Variants in GBF1 observed in about 807,000 individuals in gnomAD.
GBF1 encodes Golgi-specific brefeldin A-resistance guanine nucleotide exchange factor 1.
In GBF1, 114 loss-of-function variants were observed where a neutral mutation model predicts 210.5. The observed-to-expected ratio is 0.54, with a 90% confidence interval of 0.47 to 0.63. The LOEUF (loss-of-function observed/expected upper bound fraction) is 0.63, where lower values mean the gene tolerates loss of function less well. Ranked by LOEUF, GBF1 falls within the 30% of genes least tolerant of loss-of-function variation. GBF1 has a pLI of 0.00. For synonymous variants in GBF1, 850 were observed against 889.2 expected, an observed-to-expected ratio of 0.96 and a Z score of 0.78; for missense variants, 1,851 against 2,357.7, an observed-to-expected ratio of 0.79 and a Z score of 4.45.
intron 1 of GBF1, among the ~76,000 whole-genome samples, chr10:102,255,910 C>T (rs2072282672): frequency 6.6e-6 from 1 of 152,154 alleles, no homozygotes; most frequent in African/African-American, 2.4e-5. Context: ...GTGTTGGATT[C>T]CCTTGTGGAC....
At chr10:102,369,688 A>G in intron 24 of GBF1, 23 bp from the exon 25 acceptor site, 1 of 1,611,132 alleles carries the variant, frequency 6.2e-7, no homozygotes, top group Non-Finnish European at 8.5e-7. Flanking sequence ...ATGGAAAGAA[A>G]TTATTTTGAC....
intron 3 of GBF1, among the ~76,000 whole-genome samples, chr10:102,332,812 A>G (rs1198273059): frequency 6.6e-6 from 1 of 152,200 alleles, no homozygotes; most frequent in East Asian, 1.9e-4. Context: ...TTGTCTCTTA[A>G]AAATCATAAT....
intron 3 of GBF1, among the ~76,000 whole-genome samples, chr10:102,287,329 C>A (rs372397903): frequency 1.3e-4 from 13 of 98,386 alleles, no homozygotes; most frequent in East Asian, 2.7e-4. Context: ...CACACAGTTT[C>A]TTTTATTTTA....
At chr10:102,347,643 A>G (rs2058667100) in intron 4 of GBF1, among the ~76,000 whole-genome samples, 1 of 152,192 alleles carries the variant, frequency 6.6e-6, no homozygotes, top group Non-Finnish European at 1.5e-5. Context: ...GAAAGCCAAG[A>G]AAGCAAAGGA....
At chr10:102,335,959 T>A (rs1008731617) in intron 3 of GBF1, among the ~76,000 whole-genome samples, 2 of 152,146 alleles carry the variant, frequency 1.3e-5, no homozygotes, top group African/African-American at 4.8e-5. Context: ...TTTTATGGTT[T>A]AGGAGTCAAA....
chr10:102,249,219 C>A (rs2071199829), intron 1 of GBF1, among the ~76,000 whole-genome samples: 1 of 152,198 alleles, frequency 6.6e-6, no homozygotes. Context: ...GTTCTCTATA[C>A]ATAATCACAT....
intron 3 of GBF1, among the ~76,000 whole-genome samples, chr10:102,318,286 A>T (rs2056025134): frequency 6.6e-6 from 1 of 152,028 alleles, no homozygotes; most frequent in African/African-American, 2.4e-5. Context: ...TCCTGGGCTC[A>T]AGTGATTCTC....
At chr10:102,338,110 G>C (rs568413850) in intron 3 of GBF1, among the ~76,000 whole-genome samples, 1 of 152,142 alleles carries the variant, frequency 6.6e-6, no homozygotes, top group East Asian at 1.9e-4. Flanking sequence ...GAAGGTTCCT[G>C]GTGGGCTCAT....
rs527529894 is a variant in GBF1, at chr10:102,344,273, T to C, written c.295+91T>C. 7.2e-5 allele frequency: 86 copies of C among 1,192,444 alleles called. 2 individuals are homozygous for C. The South Asian group carries it at 1.1e-3, about 15-fold the overall frequency. 73.9% of individuals were successfully genotyped at this position (1,192,444 alleles called of 1,614,324 possible). On this transcript the variant is annotated intron_variant, in intron 4 of 39. Coordinates refer to ENST00000369983, the MANE Select transcript of GBF1 (RefSeq NM_001377137.1). ...GCCTTAGGCAATGAGCTGGTGATAGTGGGAAATTTTTTCCAGTCACCTCTT... is the reference window on the plus strand; with the variant it reads ...GCCTTAGGCAATGAGCTGGTGATAGCGGGAAATTTTTTCCAGTCACCTCTT...
At chr10:102,265,412 C>T (rs950007203) in intron 3 of GBF1, among the ~76,000 whole-genome samples, 1 of 152,088 alleles carries the variant, frequency 6.6e-6, no homozygotes, top group African/African-American at 2.4e-5. Flanking sequence ...GGTGCAGTGA[C>T]CCACATCTGT....
At chr10:102,340,780 G>A (rs766346587) in intron 3 of GBF1, among the ~76,000 whole-genome samples, 1 of 152,136 alleles carries the variant, frequency 6.6e-6, no homozygotes, top group Non-Finnish European at 1.5e-5. Flanking sequence ...AAGGAAAAAT[G>A]AGCCTCAATC....
chr10:102,314,943 C>CA (rs1362989598), intron 3 of GBF1, among the ~76,000 whole-genome samples: 7 of 152,144 alleles, frequency 4.6e-5, no homozygotes, highest in African/African-American at 1.7e-4. Flanking sequence ...ACAGCCACCT[C>CA]AAAGTTTAGG....
In GBF1 at chr10:102,339,582, G is replaced by A. The variant is rs541357692; in HGVS notation, c.164-4469G>A. Among the ~76,000 whole-genome samples the A allele has an allele frequency of 6.9e-5, 10 of 144,476 alleles. No homozygotes were observed. In the East Asian group the frequency reaches 1.1e-3, roughly 16 times the overall value. The allele number at this position is 144,476 out of a possible 152,430, so 94.8% of individuals were successfully genotyped here. A position where few individuals can be genotyped will look rare whatever the true frequency, so the allele number is the denominator to read the frequency against. The stretch of plus-strand genomic sequence containing the variant: ...CTCAGGAGGCTGAGGCAGGAGAATC[G>A]CTTGAACCCAGGAGGCAAGGTTGCA... On this transcript the variant is annotated intron_variant, in intron 3 of 39. Transcript: ENST00000369983.
At chr10:102,285,515 GGGT>G (rs2075860566) in intron 3 of GBF1, among the ~76,000 whole-genome samples, 1 of 152,140 alleles carries the variant, frequency 6.6e-6, no homozygotes, top group African/African-American at 2.4e-5. Context: ...CTGTGTGGCT[GGGT>G]GGTTTCTTAT....
chr10:102,308,260 AGTAAAAT>A (rs1481896926), intron 3 of GBF1, among the ~76,000 whole-genome samples: 1 of 152,074 alleles, frequency 6.6e-6, no homozygotes, highest in Non-Finnish European at 1.5e-5. Context: ...AAAATGGATA[AGTAAAAT>A]GTGAAAATTC....
chr10:102,342,070 T>A (rs1172713295), intron 3 of GBF1, among the ~76,000 whole-genome samples: 5 of 151,578 alleles, frequency 3.3e-5, no homozygotes, highest in African/African-American at 4.9e-5. Context: ...GGAGTCTTGT[T>A]CTGTCACCCA....
At chr10:102,368,575 G>T in intron 22 of GBF1, 121 bp downstream of exon 22, 1 of 827,152 alleles carries the variant, frequency 1.2e-6, no homozygotes, top group Non-Finnish European at 2.0e-6. Flanking sequence ...CTGAGTTTTT[G>T]GAGGGAGGCT....
At chr10:102,249,922 C>T (rs1222364204) in intron 1 of GBF1, among the ~76,000 whole-genome samples, 1 of 152,128 alleles carries the variant, frequency 6.6e-6, no homozygotes, top group Non-Finnish European at 1.5e-5. Context: ...GAACTCTTGA[C>T]TTCGTGATCC....
intron 4 of GBF1, among the ~76,000 whole-genome samples, chr10:102,345,373 C>G (rs2058474563): frequency 6.6e-6 from 1 of 150,930 alleles, no homozygotes; most frequent in East Asian, 1.9e-4. Context: ...ATTAACTTGA[C>G]CAGGCACAGT....
Sources: allele counts gnomAD v4.1 joint callset (sites outside exome capture counted in the v4.1 genomes callset), GRCh38; gene constraint gnomAD v4.1.1; transcripts MANE v1.5; gene names NCBI Gene and HGNC (gene_info 2026-07-23, HGNC 2026-07-21).